The following FBXW11 variants were observed in gnomAD, a reference collection of about 807,000 sequenced individuals.
FBXW11 encodes F-box and WD repeat domain containing 11, also known as F-box/WD repeat-containing protein 11.
A neutral mutation model predicts 77.6 loss-of-function variants in FBXW11; 19 were observed. That is an observed-to-expected ratio of 0.24 (90% CI 0.17 to 0.36). The LOEUF is 0.36. Ranked by LOEUF, FBXW11 falls within the 10% of genes least tolerant of loss-of-function variation. FBXW11 has a pLI of 1.00. For missense variants in FBXW11, 334 were observed against 704.2 expected, an observed-to-expected ratio of 0.47 and a Z score of 5.95; for synonymous variants, 235 against 249.4, an observed-to-expected ratio of 0.94 and a Z score of 0.54.
At chr5:171,871,673 G>A (rs1295380322) in intron 10 of FBXW11, among the ~76,000 whole-genome samples, 2 of 152,128 alleles carry the variant, frequency 1.3e-5, no homozygotes, top group African/African-American at 4.8e-5. Context: ...TAGCTAGTTA[G>A]CATGTACAAA....
intron 1 of FBXW11, among the ~76,000 whole-genome samples, chr5:171,969,351 G>C (rs538076344): frequency 1.7e-4 from 26 of 152,220 alleles, no homozygotes; most frequent in African/African-American, 6.3e-4. Context: ...TTTCTAAGAA[G>C]AGATACCACT....
chr5:171,902,383 A>C (rs1442704095), intron 4 of FBXW11, among the ~76,000 whole-genome samples: 1 of 152,168 alleles, frequency 6.6e-6, no homozygotes, highest in African/African-American at 2.4e-5. Context: ...CATTATAGAA[A>C]ATTTATAAAG....
rs1762470960 is a variant in FBXW11, at chr5:171,936,140, A to G, written c.147+21457T>C. ...AAAAAAAAAAAAAAAAAAGAATAAA[A>G]CAAGTCTGAAGATAACAGAAGAATC... On this transcript the variant is annotated intron_variant, in intron 2 of 13. Transcript: ENST00000517395. Among the ~76,000 whole-genome samples, 3 of 151,044 alleles carry G rather than the reference A, an allele frequency of 2.0e-5. No individual in the cohort carries two copies. In the South Asian group the frequency reaches 6.2e-4, roughly 31 times the overall value.
chr5:171,876,245 G>A lies in FBXW11; in HGVS notation c.1221+40C>T. The A allele has an allele frequency of 6.2e-7, 1 of 1,609,520 alleles. No individual in the cohort carries two copies. Among genetic ancestry groups the A allele is most frequent in the Non-Finnish European group, 8.5e-7 (1 of 1,177,130 alleles). ...CTCTGCTTTGTCTCTGTTCTAAAAG[G>A]GACAGGAACAGGTAGGGTTATGACT... is the stretch of plus-strand genomic sequence containing the variant. On this transcript the variant is annotated intron_variant, in intron 9 of 13. Transcript: ENST00000517395. This position sits in a 1 kb window ranked among gnomAD's most constrained non-coding sequence, Gnocchi z 4.2.
At chr5:171,948,700 A>T (rs1278615918) in intron 2 of FBXW11, among the ~76,000 whole-genome samples, 1 of 152,250 alleles carries the variant, frequency 6.6e-6, no homozygotes, top group African/African-American at 2.4e-5. Flanking sequence ...AACATAATAA[A>T]TGTCTATAGT....
At chr5:171,918,561 T>C (rs1215351630) in intron 2 of FBXW11, among the ~76,000 whole-genome samples, 2 of 152,206 alleles carry the variant, frequency 1.3e-5, no homozygotes, top group African/African-American at 4.8e-5. Flanking sequence ...ACCAGTTTAC[T>C]TTCTACCCTT....
At chr5:171,925,713 G>T (rs1332196235) in intron 2 of FBXW11, among the ~76,000 whole-genome samples, 1 of 152,122 alleles carries the variant, frequency 6.6e-6, no homozygotes, top group Admixed American at 6.6e-5. Context: ...TTTTTTAATG[G>T]TATTTACTTT....
chr5:171,881,856 A>G (rs1298583012), intron 7 of FBXW11, among the ~76,000 whole-genome samples: 1 of 152,240 alleles, frequency 6.6e-6, no homozygotes, highest in African/African-American at 2.4e-5. Flanking sequence ...TCAAATTTGT[A>G]AACAGGGAGT....
intron 2 of FBXW11, among the ~76,000 whole-genome samples, chr5:171,950,908 ATT>A (rs564213200): frequency 6.6e-6 from 1 of 151,476 alleles, no homozygotes; most frequent in South Asian, 2.1e-4. Flanking sequence ...TAAATAAATA[ATT>A]TTTTTTTAAT....
At position 171,939,715 on chromosome 5, in the gene FBXW11, A is replaced by AAAG. The variant is rs1554103091; in HGVS notation, c.147+17881_147+17882insCTT. Among the ~76,000 whole-genome samples, 11 of 148,174 alleles carry AAAG rather than the reference A, an allele frequency of 7.4e-5. No homozygotes were observed. The Middle Eastern group carries it at 0.01, about 140-fold the overall frequency. On this transcript the variant is annotated intron_variant, in intron 2 of 13. Coordinates refer to ENST00000517395, the MANE Select transcript of FBXW11 (RefSeq NM_001378974.1). The stretch of plus-strand genomic sequence containing the variant: ...CTGTCTCAAAAAAAAAAAAAAAAAA[A>AAAG]AAAGAAAGAAAGAAAGAAAACTGTA...
intron 1 of FBXW11, among the ~76,000 whole-genome samples, chr5:172,004,790 GACT>G (rs1766629201): frequency 6.6e-6 from 1 of 151,580 alleles, no homozygotes; most frequent in Non-Finnish European, 1.5e-5. Context: ...CCAAACACTT[GACT>G]ACAAGTATGA....
intron 1 of FBXW11, among the ~76,000 whole-genome samples, chr5:171,973,610 T>C (rs758245239): frequency 7.2e-5 from 11 of 152,330 alleles, no homozygotes; most frequent in African/African-American, 2.2e-4. Context: ...GATGAGATCA[T>C]AGACCAGAAA....
chr5:171,897,647 G>A (rs1759835078), intron 6 of FBXW11, among the ~76,000 whole-genome samples: 1 of 151,912 alleles, frequency 6.6e-6, no homozygotes. Flanking sequence ...GTTCTTCAAG[G>A]TTCCTGTTTG....
chr5:171,863,971 G>A lies in FBXW11; in HGVS notation c.*156C>T, dbSNP rs1176095407. Reference sequence around the variant, plus strand: ...CCGGAATCAGAGGTGAGAAATGTCGGTACTTGAAGAGTTAGGCTGCTTTGC... The same window carrying A: ...CCGGAATCAGAGGTGAGAAATGTCGATACTTGAAGAGTTAGGCTGCTTTGC... On this transcript the variant is annotated 3_prime_UTR_variant, in exon 14 of 14. Transcript: ENST00000517395. The A allele has an allele frequency of 6.6e-6, 1 of 152,142 alleles. No individual in the cohort carries two copies. Among genetic ancestry groups the A allele is most frequent in the East Asian group, 1.9e-4 (1 of 5,192 alleles). The allele number at this position is 152,142 out of a possible 1,614,324, so 9.4% of individuals were successfully genotyped here. A position where few individuals can be genotyped will look rare whatever the true frequency, so the allele number is the denominator to read the frequency against.
chr5:171,888,147 T>G (rs1364072173), intron 7 of FBXW11, among the ~76,000 whole-genome samples: 1 of 152,076 alleles, frequency 6.6e-6, no homozygotes, highest in African/African-American at 2.4e-5. Context: ...GCTCCAGTCA[T>G]GACGACACAC....
At chr5:171,986,456 G>A (rs1004622667) in intron 1 of FBXW11, among the ~76,000 whole-genome samples, 6 of 148,656 alleles carry the variant, frequency 4.0e-5, no homozygotes, top group Admixed American at 3.4e-4. Flanking sequence ...GCCAGGTGTG[G>A]TGGCTCACCC....
At chr5:171,909,917 A>G (rs1337053960) in intron 4 of FBXW11, among the ~76,000 whole-genome samples, 1 of 152,172 alleles carries the variant, frequency 6.6e-6, no homozygotes, top group Non-Finnish European at 1.5e-5. Context: ...CATACAAACT[A>G]TGTTTGAAGG....
chr5:171,960,318 T>C (rs1763840197), intron 1 of FBXW11, among the ~76,000 whole-genome samples: 1 of 152,184 alleles, frequency 6.6e-6, no homozygotes, highest in African/African-American at 2.4e-5. Context: ...GAGGTTGCAG[T>C]GAGCCAAGAT....
chr5:171,903,079 T>C (rs1760247714), intron 4 of FBXW11, among the ~76,000 whole-genome samples: 1 of 152,194 alleles, frequency 6.6e-6, no homozygotes, highest in Non-Finnish European at 1.5e-5. Context: ...TTAACATTAT[T>C]TGGAGTTTGG....
Sources: allele counts gnomAD v4.1 joint callset (sites outside exome capture counted in the v4.1 genomes callset), GRCh38; gene constraint gnomAD v4.1.1; non-coding constraint Gnocchi (gnomAD v3.1); transcripts MANE v1.5; gene names NCBI Gene and HGNC (gene_info 2026-07-23, HGNC 2026-07-21).